Variants in SGCD observed in about 807,000 individuals in gnomAD.
The protein encoded by SGCD is sarcoglycan delta.
In SGCD, 18 loss-of-function variants were observed where a neutral mutation model predicts 36.6. That is an observed-to-expected ratio of 0.49 (90% CI 0.34 to 0.73). The LOEUF is 0.73. Among genes scored for constraint, SGCD ranks in the 30% least tolerant of loss-of-function variants. The pLI, the probability that SGCD is intolerant of heterozygous loss-of-function variation, is 0.01. For missense variants in SGCD, 387 were observed against 346.7 expected (o/e 1.12, Z -0.92); for synonymous variants, 133 against 130.6 (o/e 1.02, Z -0.12).
chr5:156,176,356 A>G (rs1286469021), intron 3 of SGCD, among the ~76,000 whole-genome samples: 1 of 152,218 alleles, frequency 6.6e-6, no homozygotes, highest in Non-Finnish European at 1.5e-5. Flanking sequence ...AACGTACTAT[A>G]GATATGAAGA....
At chr5:155,750,349 C>G in the SGCD span, among the ~76,000 whole-genome samples, 9 of 152,256 alleles carry the variant, frequency 5.9e-5, no homozygotes, top group African/African-American at 2.2e-4. Context: ...ATTACTCATT[C>G]CTTTGCATCT....
intron 7 of SGCD, among the ~76,000 whole-genome samples, chr5:156,697,151 T>C (rs1337519864): frequency 6.6e-6 from 1 of 151,954 alleles, no homozygotes; most frequent in African/African-American, 2.4e-5. Context: ...GTGATGAAAA[T>C]GTTCTAAAAG....
the SGCD span, among the ~76,000 whole-genome samples, chr5:155,805,629 A>G: frequency 2.6e-5 from 4 of 152,212 alleles, no homozygotes; most frequent in Non-Finnish European, 5.9e-5. Flanking sequence ...ACTCATCGCG[A>G]AATAGTCTTT....
chr5:156,070,592 C>G (rs559383404), intron 1 of SGCD, among the ~76,000 whole-genome samples: 1 of 151,830 alleles, frequency 6.6e-6, no homozygotes, highest in African/African-American at 2.4e-5. Flanking sequence ...CTAAAATTCT[C>G]TTTTTTGGTT....
intron 2 of SGCD, among the ~76,000 whole-genome samples, chr5:156,332,972 A>G (rs1768142543): frequency 6.6e-6 from 1 of 152,236 alleles, no homozygotes; most frequent in Non-Finnish European, 1.5e-5. Context: ...ATGTACATAC[A>G]TATATACATA....
intron 1 of SGCD, among the ~76,000 whole-genome samples, chr5:156,004,358 G>T (rs1392857479): frequency 1.3e-5 from 2 of 152,136 alleles, no homozygotes; most frequent in Non-Finnish European, 2.9e-5. Context: ...TAATACTGCT[G>T]TTTCCACTAT....
intron 3 of SGCD, among the ~76,000 whole-genome samples, chr5:156,247,396 A>G (rs1266231058): frequency 1.3e-5 from 2 of 152,208 alleles, no homozygotes; most frequent in South Asian, 2.1e-4. Flanking sequence ...GTCCATGTTC[A>G]TTCAATGATT....
the SGCD span, among the ~76,000 whole-genome samples, chr5:155,728,921 A>G: frequency 8.5e-5 from 13 of 152,128 alleles, no homozygotes; most frequent in Admixed American, 2.0e-4. Flanking sequence ...GCGAGACACC[A>G]AGGCGTTTCG....
At chr5:155,925,883 C>A (rs1419343411) in intron 1 of SGCD, among the ~76,000 whole-genome samples, 1 of 151,976 alleles carries the variant, frequency 6.6e-6, no homozygotes, top group Non-Finnish European at 1.5e-5. Flanking sequence ...TCCCAAAGTG[C>A]TGGGAGTACA....
At chr5:155,742,986 T>C in the SGCD span, among the ~76,000 whole-genome samples, 19 of 152,164 alleles carry the variant, frequency 1.2e-4, no homozygotes, top group African/African-American at 4.1e-4. Context: ...AGATACATAG[T>C]GTAAGGTTTG....
intron 3 of SGCD, among the ~76,000 whole-genome samples, chr5:156,245,543 T>A (rs1053949386): frequency 6.6e-6 from 1 of 152,120 alleles, no homozygotes; most frequent in East Asian, 1.9e-4. Flanking sequence ...TTAACAAAAA[T>A]AGAGGCATCC....
At chr5:156,230,857 A>G (rs558128373) in intron 3 of SGCD, among the ~76,000 whole-genome samples, 16 of 152,296 alleles carry the variant, frequency 1.1e-4, no homozygotes, top group African/African-American at 3.9e-4. Flanking sequence ...TGGTCAGATA[A>G]ATAAATTCTA....
At chr5:156,391,768 A>G (rs978227542) in intron 3 of SGCD, among the ~76,000 whole-genome samples, 9 of 152,214 alleles carry the variant, frequency 5.9e-5, no homozygotes, top group Non-Finnish European at 1.2e-4. Context: ...ATATACATGT[A>G]TGTGTTTGCT....
chr5:155,804,009 G>A, the SGCD span, among the ~76,000 whole-genome samples: 4 of 152,138 alleles, frequency 2.6e-5, no homozygotes, highest in Admixed American at 1.3e-4. Flanking sequence ...CACCTCTATG[G>A]TCATTTAAGG....
At chr5:156,247,628 AT>A (rs201417522) in intron 3 of SGCD, among the ~76,000 whole-genome samples, 2,383 of 152,322 alleles carry the variant, frequency 0.016, 36 homozygotes, top group Non-Finnish European at 0.024. Context: ...AAAGAAAGAA[AT>A]CAAAAGGATG....
intron 1 of SGCD, among the ~76,000 whole-genome samples, chr5:155,987,420 G>A (rs1193044386): frequency 6.6e-6 from 1 of 152,106 alleles, no homozygotes; most frequent in Non-Finnish European, 1.5e-5. Flanking sequence ...ATTATCCTCT[G>A]GCTGGTTATA....
intron 7 of SGCD, among the ~76,000 whole-genome samples, chr5:156,743,105 C>T (rs1561891393): frequency 8.8e-6 from 1 of 113,680 alleles, no homozygotes; most frequent in African/African-American, 3.5e-5. Flanking sequence ...TTGCTTCCTA[C>T]ATCTTTTTTT....
rs879574438 is a variant in SGCD at position 156,052,977 on chromosome 5, G to A, written c.-281-64901G>A. ...ATGTGTTGTGCCCCCCTGGGGACAG[G>A]AAAGTCAATCTTCCCTTCCCACAGG... On this transcript the variant is annotated intron_variant, in intron 1 of 9. Transcript: ENST00000517913. Among the ~76,000 whole-genome samples the A allele has an allele frequency of 4.1e-5, 6 of 146,114 alleles. 2 individuals are homozygous for A. The highest frequency in any genetic ancestry group is 9.3e-5 in the Non-Finnish European group (6 of 64,806).
chr5:156,077,642 C>T (rs1039212886), intron 1 of SGCD, among the ~76,000 whole-genome samples: 14 of 152,040 alleles, frequency 9.2e-5, no homozygotes, highest in East Asian at 1.9e-4. Context: ...TGTACTAGGT[C>T]GAGAATCTCC....
Sources: gnomAD v4.1 joint callset for allele counts (sites outside exome capture counted in the v4.1 genomes callset) on GRCh38, gnomAD v4.1.1 for gene constraint, MANE v1.5 for transcripts, NCBI Gene and HGNC (gene_info 2026-07-23, HGNC 2026-07-21) for gene names.